The following CD99 variants were observed in gnomAD, a reference collection of about 807,000 sequenced individuals.
The protein encoded by CD99 is CD99 molecule (Xg blood group).
A neutral mutation model predicts 28.4 loss-of-function variants in CD99; 19 were observed. That is an observed-to-expected ratio of 0.67 (90% CI 0.47 to 0.98). The LOEUF is 0.98. CD99 is among the 50% of genes least tolerant of loss of function. CD99 has a pLI of 0.00. For synonymous variants in CD99, 103 were observed against 92.1 expected (o/e 1.12, Z -0.67); for missense variants, 283 against 248.8 (o/e 1.14, Z -0.92).
intron 1 of CD99, among the ~76,000 whole-genome samples, chrX:2,698,952 G>T (rs1268048253): frequency 1.3e-5 from 2 of 149,100 alleles, no homozygotes; most frequent in East Asian, 4.0e-4. Context: ...TTTGAGACAA[G>T]ATTTTGCTCT....
At chrX:2,727,581 A>C (rs1234100452) in intron 8 of CD99, among the ~76,000 whole-genome samples, 1 of 152,050 alleles carries the variant, frequency 6.6e-6, no homozygotes, top group African/African-American at 2.4e-5. Context: ...GGTTCAAGTG[A>C]TTCTCCTGCC....
At chrX:2,696,437 T>C (rs1222476282) in intron 1 of CD99, among the ~76,000 whole-genome samples, 2 of 152,084 alleles carry the variant, frequency 1.3e-5, no homozygotes, top group East Asian at 1.9e-4. Context: ...TCTCGCTCTT[T>C]TTCCCCAGGC....
In CD99 at chrX:2,730,132, C is replaced by T. The variant is rs1447455923; in HGVS notation, c.475+3759C>T. Among the ~76,000 whole-genome samples the T allele has an allele frequency of 4.6e-5, 7 of 151,830 alleles. No individual in the cohort carries two copies. The South Asian group carries it at 8.3e-4, about 18-fold the overall frequency. ...TTGCACCACTGCACTCCAGCCTGGA[C>T]GACAGACAGAGACCCTGTCTCTAGA... On this transcript the variant is annotated intron_variant, in intron 8 of 9. Coordinates refer to ENST00000381192, the MANE Select transcript of CD99 (RefSeq NM_002414.5).
In CD99 at chrX:2,717,956, TTTGA is replaced by T. The variant is rs2048811516; in HGVS notation, c.148+305_148+308del. On this transcript the variant is annotated intron_variant, in intron 3 of 9. Coordinates refer to ENST00000381192, the MANE Select transcript of CD99 (RefSeq NM_002414.5). ...TCTTCCCTTTTTTTTTTTTTTTTTT[TTTGA>T]GATGGCGTTTCATTCTTGTCTCCCA... 67 of 270,424 alleles carry T rather than the reference TTTGA, an allele frequency of 2.5e-4. 1 individual carries two copies. Among genetic ancestry groups the T allele is most frequent in the Non-Finnish European group, 3.4e-4 (50 of 145,264 alleles). 16.8% of individuals were successfully genotyped at this position (270,424 alleles called of 1,614,324 possible).
At position 2,731,317 on chromosome X, in the gene CD99, C is replaced by T. The variant is rs754455331; in HGVS notation, c.475+4944C>T. On this transcript the variant is annotated intron_variant, in intron 8 of 9. Transcript: ENST00000381192. ...CCTTCAAGAAACCATGGGCCAGGCG[C>T]GGTGGCTTACGCCTGTAATCCCAGC... Among the ~76,000 whole-genome samples, 18 of 152,278 alleles carry T rather than the reference C, an allele frequency of 1.2e-4. 1 individual carries two copies. In the South Asian group the frequency reaches 1.9e-3, roughly 16 times the overall value.
At chrX:2,709,680 A>G (rs1353170055) in intron 1 of CD99, among the ~76,000 whole-genome samples, 1 of 152,258 alleles carries the variant, frequency 6.6e-6, no homozygotes, top group African/African-American at 2.4e-5. Context: ...GAGCACATCC[A>G]CACGCGCACA....
intron 1 of CD99, among the ~76,000 whole-genome samples, chrX:2,711,253 A>G (rs1161511181): frequency 6.8e-6 from 1 of 147,828 alleles, no homozygotes; most frequent in East Asian, 1.9e-4. Context: ...ATGTGTATAT[A>G]TATATTTGTA....
At chrX:2,728,196 G>GTTTTTTT (rs2049392767) in intron 8 of CD99, among the ~76,000 whole-genome samples, 5 of 128,390 alleles carry the variant, frequency 3.9e-5, no homozygotes, top group African/African-American at 1.2e-4. Context: ...GTGTTTGGTT[G>GTTTTTTT]TTTCTTTTTT....
At chrX:2,715,151 C>G (rs1448591710) in intron 2 of CD99, 2 of 152,326 alleles carry the variant, frequency 1.3e-5, no homozygotes, top group Non-Finnish European at 2.9e-5. Context: ...CCGCTCCTCA[C>G]CCAGAGCCCT....
chrX:2,705,071 A>T (rs1308512814), intron 1 of CD99, among the ~76,000 whole-genome samples: 1 of 152,244 alleles, frequency 6.6e-6, no homozygotes, highest in Non-Finnish European at 1.5e-5. Flanking sequence ...CTATTGCTAC[A>T]GACATGAAGC....
At chrX:2,719,604 ATTCC>A (rs2048900313) in intron 3 of CD99, 53 bp from the exon 4 acceptor site, 26 of 1,450,242 alleles carry the variant, frequency 1.8e-5, no homozygotes, top group Non-Finnish European at 2.5e-5. Flanking sequence ...TCACGAGGTC[ATTCC>A]TTCCTCGTTT....
intron 3 of CD99, chrX:2,718,995 T>G (rs2048871834): frequency 6.6e-6 from 1 of 152,436 alleles, no homozygotes; most frequent in African/African-American, 2.4e-5. Context: ...ACTATCATAG[T>G]CTCCTTGAGG....
intron 1 of CD99, among the ~76,000 whole-genome samples, chrX:2,695,446 C>G (rs1450111301): frequency 1.3e-5 from 2 of 151,948 alleles, no homozygotes; most frequent in Non-Finnish European, 2.9e-5. Context: ...GGTGGGGTCT[C>G]TGTTGCCCAG....
At chrX:2,727,986 T>G (rs2049381147) in intron 8 of CD99, among the ~76,000 whole-genome samples, 1 of 152,144 alleles carries the variant, frequency 6.6e-6, no homozygotes, top group Non-Finnish European at 1.5e-5. Flanking sequence ...GGGTGGAGTT[T>G]CCCCGTAATC....
intron 5 of CD99, among the ~76,000 whole-genome samples, chrX:2,721,875 C>T (rs759038984): frequency 8.5e-5 from 13 of 152,232 alleles, no homozygotes; most frequent in African/African-American, 1.2e-4. Context: ...CAACTCCATG[C>T]GCTATTTTTA....
chrX:2,692,881 G>T, intron 1 of CD99, among the ~76,000 whole-genome samples: 1 of 152,318 alleles, frequency 6.6e-6, no homozygotes, highest in Non-Finnish European at 1.5e-5. Flanking sequence ...GGTGGCCTAA[G>T]AATTCAGTTT....
chrX:2,719,104 ATCATTCT>A (rs897885143), intron 3 of CD99: 2 of 153,552 alleles, frequency 1.3e-5, no homozygotes, highest in Non-Finnish European at 2.9e-5. Context: ...GGTTTTCAAA[ATCATTCT>A]TCATACTAGA....
rs562902104 is a variant in CD99, at chrX:2,725,959, G to C, written c.362-301G>C. 1.1e-4 allele frequency among the ~76,000 whole-genome samples: 17 copies of C among 152,186 alleles called. 2 individuals carry two copies. Among genetic ancestry groups the C allele is most frequent in the African/African-American group, 3.9e-4 (16 of 41,532 alleles). Reference sequence around the variant, plus strand: ...TTTGTCTTTTTTTGTCTCTGCCTTGGTTCTGCTGAGCTTCTGCCCGTACCT... The same window carrying C: ...TTTGTCTTTTTTTGTCTCTGCCTTGCTTCTGCTGAGCTTCTGCCCGTACCT... On this transcript the variant is annotated intron_variant, in intron 7 of 9. Coordinates refer to ENST00000381192, the MANE Select transcript of CD99 (RefSeq NM_002414.5).
At chrX:2,701,140 T>TACCCATCCATCCACCCAGCTGTCC (rs2047841510) in intron 1 of CD99, among the ~76,000 whole-genome samples, 1 of 148,844 alleles carries the variant, frequency 6.7e-6, no homozygotes, top group Non-Finnish European at 1.5e-5. Context: ...CCCATCCAAC[T>TACCCATCCATCCACCCAGCTGTCC]ACCCATCCAT....
Sources: gnomAD v4.1 joint callset for allele counts (sites outside exome capture counted in the v4.1 genomes callset) on GRCh38, gnomAD v4.1.1 for gene constraint, MANE v1.5 for transcripts, NCBI Gene and HGNC (gene_info 2026-07-23, HGNC 2026-07-21) for gene names.